PCDHA1: variants seen among roughly 807,000 people sequenced by gnomAD.
The protein encoded by PCDHA1 is protocadherin alpha 1.
In PCDHA1, 42 loss-of-function variants were observed where a neutral mutation model predicts 61.3. The observed-to-expected ratio is 0.69, with a 90% CI of 0.54 to 0.89. The LOEUF is 0.89. Among genes scored for constraint, PCDHA1 ranks in the 40% least tolerant of loss-of-function variants. The pLI, the probability that PCDHA1 is intolerant of heterozygous loss-of-function variation, is 0.00. For synonymous variants in PCDHA1, 610 were observed against 553.8 expected, an observed-to-expected ratio of 1.10 and a Z score of -1.43; for missense variants, 1,256 against 1,235.3, an observed-to-expected ratio of 1.02 and a Z score of -0.25.
At chr5:140,958,597 G>A (rs551005076) in intron 1 of PCDHA1, among the ~76,000 whole-genome samples, 60 of 152,170 alleles carry the variant, frequency 3.9e-4, no homozygotes, top group African/African-American at 1.4e-3. Context: ...ATGATAATTG[G>A]ATCAAAGGAA....
Position 140,855,945 on chromosome 5 carries a change from C to T in PCDHA1, c.2394+67261C>T, listed in dbSNP as rs187469272. On this transcript the variant is annotated intron_variant, in intron 1 of 3. Transcript: ENST00000504120. ...AGTAGCGTCATTCTGAGATCTCAGC[C>T]ATTTCGATAAAAAATAGATATAAGA... 8 of 1,336,226 alleles carry T rather than the reference C, an allele frequency of 6.0e-6. No individual in the cohort carries two copies. In the Admixed American group the frequency reaches 1.2e-4, roughly 20 times the overall value. 82.8% of individuals were successfully genotyped at this position (1,336,226 alleles called of 1,614,324 possible). A position where few individuals can be genotyped will look rare whatever the true frequency, so the allele number is the denominator to read the frequency against.
intron 1 of PCDHA1, among the ~76,000 whole-genome samples, chr5:140,888,973 A>G (rs1173174070): frequency 2.6e-5 from 4 of 152,078 alleles, no homozygotes; most frequent in African/African-American, 9.7e-5. Flanking sequence ...TAATGTGTTG[A>G]ATTTATGATT....
At chr5:140,849,456 G>C in intron 1 of PCDHA1, 2 of 1,587,320 alleles carry the variant, frequency 1.3e-6, no homozygotes, top group Non-Finnish European at 1.7e-6. Context: ...GATCCCAGTC[G>C]AGGCTGTCGA....
At chr5:140,859,454 C>G (rs1400169609) in intron 1 of PCDHA1, 1 of 217,780 alleles carries the variant, frequency 4.6e-6, no homozygotes, top group South Asian at 1.1e-4. Context: ...TGCAGAGTGA[C>G]AAAACTACAC....
chr5:141,011,228 A>T lies in PCDHA1; in HGVS notation c.*1291A>T, dbSNP rs2098419864. 1 of 153,664 alleles carries T rather than the reference A, an allele frequency of 6.5e-6. No homozygotes were observed. The highest frequency in any genetic ancestry group is 1.5e-5 in the Non-Finnish European group (1 of 68,016). 9.5% of individuals were successfully genotyped at this position (153,664 alleles called of 1,614,324 possible). On this transcript the variant is annotated 3_prime_UTR_variant, in exon 4 of 4. Coordinates refer to ENST00000504120, the MANE Select transcript of PCDHA1 (RefSeq NM_018900.4). The stretch of plus-strand genomic sequence containing the variant: ...CAGTGAGCAGATTTTTCAATCTACT[A>T]ATTCTGTGACTTGTCTTGGTGTGCT...
At chr5:140,871,976 C>A (rs2053421346) in intron 1 of PCDHA1, among the ~76,000 whole-genome samples, 1 of 152,206 alleles carries the variant, frequency 6.6e-6, no homozygotes, top group Non-Finnish European at 1.5e-5. Context: ...CCTATGATGT[C>A]CAGGTTGGAC....
chr5:140,905,160 A>G (rs1554191931), intron 1 of PCDHA1, among the ~76,000 whole-genome samples: 2 of 152,304 alleles, frequency 1.3e-5, no homozygotes, highest in East Asian at 1.9e-4. Flanking sequence ...TAGAATTTTC[A>G]TGGTTTCAGG....
At position 140,829,905 on chromosome 5, in the gene PCDHA1, C is replaced by T; in HGVS notation, c.2394+41221C>T. ...GTTGACGCCGACTCAGGCTACAACG[C>T]GTGGCTTTCGTATGAGCTGCAGCCC... On this transcript the variant is annotated intron_variant, in intron 1 of 3. Transcript: ENST00000504120. The T allele has an allele frequency of 6.2e-7, 1 of 1,613,982 alleles. No individual in the cohort carries two copies. Among genetic ancestry groups the T allele is most frequent in the East Asian group, 2.2e-5 (1 of 44,882 alleles).
intron 1 of PCDHA1, among the ~76,000 whole-genome samples, chr5:140,972,168 G>T (rs969968770): frequency 2.6e-5 from 4 of 152,064 alleles, no homozygotes; most frequent in African/African-American, 9.7e-5. Context: ...TTGAGACAGA[G>T]TCTTGGCCTG....
intron 1 of PCDHA1, chr5:140,823,675 C>G (rs2150128153): frequency 3.1e-6 from 5 of 1,614,056 alleles, no homozygotes; most frequent in Non-Finnish European, 4.2e-6. Flanking sequence ...CAGCACAACA[C>G]GCTCTCTGGA....
chr5:140,870,514 T>C lies in PCDHA1; in HGVS notation c.2394+81830T>C, dbSNP rs1554164347. ...CGTGAAGGAGAACAACCCACCAGGC[T>C]GCCACATCTTCACAGTGTCGGCGCG... On this transcript the variant is annotated intron_variant, in intron 1 of 3. Transcript: ENST00000504120. The C allele has an allele frequency of 3.7e-6, 6 of 1,614,224 alleles. No homozygotes were observed. In the East Asian group the frequency reaches 1.3e-4, roughly 36 times the overall value.
chr5:140,973,125 G>A (rs1417014318), intron 1 of PCDHA1, among the ~76,000 whole-genome samples: 2 of 152,166 alleles, frequency 1.3e-5, no homozygotes, highest in African/African-American at 4.8e-5. Context: ...GATGAATTAA[G>A]TTTGCATTCA....
intron 1 of PCDHA1, among the ~76,000 whole-genome samples, chr5:140,794,163 A>T (rs1367656323): frequency 6.6e-6 from 1 of 152,264 alleles, no homozygotes; most frequent in Non-Finnish European, 1.5e-5. Context: ...GTGTATACAT[A>T]TGTTGGACTA....
intron 1 of PCDHA1, chr5:140,843,622 G>C (rs1249780500): frequency 1.3e-6 from 2 of 1,595,910 alleles, no homozygotes; most frequent in East Asian, 2.2e-5. Flanking sequence ...CACCGAAGAC[G>C]GACCTCATGG....
At chr5:140,843,814 G>A in intron 1 of PCDHA1, 1 of 1,259,886 alleles carries the variant, frequency 7.9e-7, no homozygotes, top group Non-Finnish European at 1.1e-6. Context: ...ATTTTATAGT[G>A]AAAATTTAAA....
At chr5:140,871,209 C>T (rs955703694) in intron 1 of PCDHA1, 19 of 1,613,704 alleles carry the variant, frequency 1.2e-5, no homozygotes, top group East Asian at 4.5e-5. Flanking sequence ...TGATCATCGC[C>T]ATCTGCGTGG....
chr5:140,795,375 A>G (rs782008701), intron 1 of PCDHA1: 10 of 1,614,184 alleles, frequency 6.2e-6, no homozygotes, highest in Non-Finnish European at 7.6e-6. Context: ...CAATGACAGT[A>G]AAGACTATCC....
intron 1 of PCDHA1, chr5:140,884,459 G>A (rs530412188): frequency 8.1e-6 from 13 of 1,613,636 alleles, no homozygotes; most frequent in Non-Finnish European, 1.0e-5. Flanking sequence ...CACCGAGGGC[G>A]CGTGCGCGCC....
At chr5:140,806,995 C>A in intron 1 of PCDHA1, 1 of 684,992 alleles carries the variant, frequency 1.5e-6, no homozygotes, top group Non-Finnish European at 2.4e-6. Flanking sequence ...CACATGATGT[C>A]GCTCTTTACC....
Sources: gnomAD v4.1 joint callset for allele counts (sites outside exome capture counted in the v4.1 genomes callset) on GRCh38, gnomAD v4.1.1 for gene constraint, MANE v1.5 for transcripts, NCBI Gene and HGNC (gene_info 2026-07-23, HGNC 2026-07-21) for gene names.